WIPI1: variants seen among roughly 807,000 people sequenced by gnomAD.
WIPI1 encodes the protein WD repeat domain phosphoinositide-interacting protein 1.
WIPI1 carries 45 observed loss-of-function variants against 55.3 expected under a neutral mutation model. The ratio of observed to expected loss-of-function variants is 0.81; its 90% confidence interval spans 0.64 to 1.04. The LOEUF (loss-of-function observed/expected upper bound fraction) is 1.04, where lower values mean the gene tolerates loss of function less well. Ranked by LOEUF, WIPI1 falls within the 50% of genes least tolerant of loss-of-function variation. The pLI is 0.00. For missense variants in WIPI1, 445 were observed against 559.0 expected, an observed-to-expected ratio of 0.80 and a Z score of 2.06; for synonymous variants, 195 against 217.6, an observed-to-expected ratio of 0.90 and a Z score of 0.92.
rs1324330522 is a variant in WIPI1 at position 68,426,242 on chromosome 17, T to G, written c.1193-67A>C. 9.2e-4 allele frequency: 626 copies of G among 682,282 alleles called. 9 individuals are homozygous for G. The highest frequency in any genetic ancestry group is 1.4e-3 in the African/African-American group (64 of 44,822). 42.3% of individuals were successfully genotyped at this position (682,282 alleles called of 1,614,324 possible). A position where few individuals can be genotyped will look rare whatever the true frequency, so the allele number is the denominator to read the frequency against. ...TGCTTTTATGCCATGACCTGGCGGG[T>G]GGGGAGCGGGGGCTCAAATAAAGGG... On this transcript the variant is annotated intron_variant, in intron 11 of 12. Transcript: ENST00000262139.
intron 1 of WIPI1, among the ~76,000 whole-genome samples, chr17:68,455,080 G>C (rs768154305): frequency 2.6e-5 from 4 of 152,084 alleles, no homozygotes; most frequent in Non-Finnish European, 4.4e-5. Context: ...ACCCAAAGTA[G>C]GCTGGGCATA....
chr17:68,431,683 A>G lies in WIPI1; in HGVS notation c.801-1523T>C, dbSNP rs913297259. 9.2e-4 allele frequency among the ~76,000 whole-genome samples: 11 copies of G among 11,906 alleles called. No individual in the cohort carries two copies. In the South Asian group the frequency reaches 0.026, roughly 28 times the overall value. The allele number at this position is 11,906 out of a possible 152,430, so 7.8% of individuals were successfully genotyped here. A position where few individuals can be genotyped will look rare whatever the true frequency, so the allele number is the denominator to read the frequency against. On this transcript the variant is annotated intron_variant, in intron 8 of 12. Transcript: ENST00000262139. ...GCTGGACCAGCACGAGGTGCTAAAG[A>G]CACGTTCAAGGGCCCTGGCCAGCGA...
chr17:68,426,252 G>GGGGT (rs1555798489), intron 11 of WIPI1, 77 bp from the exon 12 acceptor site: 2 of 828,180 alleles, frequency 2.4e-6, no homozygotes, highest in Admixed American at 2.3e-5. Flanking sequence ...TGGGGAGCGG[G>GGGGT]GGCTCAAATA....
chr17:68,456,439 G>A (rs1458860701), intron 1 of WIPI1, among the ~76,000 whole-genome samples: 1 of 152,198 alleles, frequency 6.6e-6, no homozygotes, highest in Non-Finnish European at 1.5e-5. Context: ...CTGATGCTCA[G>A]GGTGCACATT....
At position 68,426,014 on chromosome 17, in the gene WIPI1, G is replaced by A. The variant is rs978338244; in HGVS notation, c.1293+61C>T. 3.7e-6 allele frequency: 5 copies of A among 1,364,902 alleles called. No homozygotes were observed. The Admixed American group carries it at 5.1e-5, about 14-fold the overall frequency. The allele number at this position is 1,364,902 out of a possible 1,614,324, so 84.5% of individuals were successfully genotyped here. On this transcript the variant is annotated intron_variant, in intron 12 of 12. Transcript: ENST00000262139. ...AAAGGGACTCTGCCTCTCGTATGAG[G>A]CGAAGGTTTCCTTCTAAGCACACAG...
At chr17:68,446,175 C>T (rs1364770858) in intron 3 of WIPI1, among the ~76,000 whole-genome samples, 2 of 152,044 alleles carry the variant, frequency 1.3e-5, no homozygotes, top group African/African-American at 4.8e-5. Context: ...AAAATTTAAA[C>T]ACATTTCTCA....
Position 68,431,282 on chromosome 17 carries a change from C to A in WIPI1, c.801-1122G>T, listed in dbSNP as rs193233779. On this transcript the variant is annotated intron_variant, in intron 8 of 12. Coordinates refer to ENST00000262139, the MANE Select transcript of WIPI1 (RefSeq NM_017983.7). Reference sequence around the variant, plus strand: ...ATGAGGTTCCTTAACGTTTCCGTGTCCAGATTTCCTCATTTGGGAAACAGG... The same window carrying A: ...ATGAGGTTCCTTAACGTTTCCGTGTACAGATTTCCTCATTTGGGAAACAGG... 1.5e-3 allele frequency among the ~76,000 whole-genome samples: 232 copies of A among 152,292 alleles called. 1 individual carries two copies. The highest frequency in any genetic ancestry group is 2.0e-3 in the Non-Finnish European group (136 of 68,024).
chr17:68,447,849 C>T (rs748578776), intron 3 of WIPI1, among the ~76,000 whole-genome samples: 60 of 151,708 alleles, frequency 4.0e-4, no homozygotes, highest in Non-Finnish European at 7.5e-4. Context: ...AAACATTAGC[C>T]GGGCGTGGTG....
chr17:68,457,218 C>T, intron 1 of WIPI1, 124 bp downstream of exon 1: 1 of 1,176,610 alleles, frequency 8.5e-7, no homozygotes, highest in Non-Finnish European at 1.2e-6. Flanking sequence ...GCGTCCGAAG[C>T]AGACACCGGC....
At chr17:68,427,003 T>A (rs2083238101) in intron 11 of WIPI1, 132 bp downstream of exon 11, 1 of 715,208 alleles carries the variant, frequency 1.4e-6, no homozygotes, top group Non-Finnish European at 2.4e-6. Context: ...CAGGTAACAG[T>A]GAAGGGGGAA....
At chr17:68,434,291 T>G (rs1275205332) in intron 7 of WIPI1, among the ~76,000 whole-genome samples, 5 of 152,172 alleles carry the variant, frequency 3.3e-5, no homozygotes, top group Non-Finnish European at 5.9e-5. Context: ...ACTCCCTGGC[T>G]CTCTCATTTC....
At chr17:68,444,250 G>T (rs183376646) in intron 4 of WIPI1, among the ~76,000 whole-genome samples, 46 of 152,240 alleles carry the variant, frequency 3.0e-4, no homozygotes, top group Admixed American at 2.7e-3. Context: ...TGCTGATATG[G>T]GTCCCAGACA....
intron 4 of WIPI1, among the ~76,000 whole-genome samples, chr17:68,438,162 G>C (rs2083910128): frequency 6.6e-6 from 1 of 152,158 alleles, no homozygotes; most frequent in Non-Finnish European, 1.5e-5. Flanking sequence ...TGAGTCCACA[G>C]CAGGGCTGTC....
At chr17:68,424,558 G>A (rs376493454) in intron 12 of WIPI1, 48 of 525,616 alleles carry the variant, frequency 9.1e-5, no homozygotes, top group Admixed American at 7.4e-4. Context: ...GGCTCTAGGA[G>A]CTGATGCTCC....
chr17:68,437,012 A>ATG lies in WIPI1; in HGVS notation c.431-534_431-533insCA, dbSNP rs1568637117. Among the ~76,000 whole-genome samples the ATG allele has an allele frequency of 4.4e-3, 362 of 82,066 alleles. 1 individual carries two copies. The highest frequency in any genetic ancestry group is 0.017 in the African/African-American group (353 of 20,912). 53.8% of individuals were successfully genotyped at this position (82,066 alleles called of 152,430 possible). ...CCGTCTCAAAAAAAAAAAAATATAT[A>ATG]TATATGTGTGTGTGTGTGTGTGTGT... On this transcript the variant is annotated intron_variant, in intron 4 of 12. Transcript: ENST00000262139.
chr17:68,438,336 C>A (rs968588341), intron 4 of WIPI1, among the ~76,000 whole-genome samples: 1 of 152,188 alleles, frequency 6.6e-6, no homozygotes, highest in African/African-American at 2.4e-5. Context: ...CTCTGGAAAC[C>A]CCAATTCCTC....
At chr17:68,433,711 G>A in intron 7 of WIPI1, 136 bp from the exon 8 acceptor site, 1 of 424,694 alleles carries the variant, frequency 2.4e-6, no homozygotes, top group Non-Finnish European at 4.1e-6. Flanking sequence ...TAAACACTGT[G>A]GTGCTCATAT....
intron 10 of WIPI1, 154 bp from the exon 11 acceptor site, chr17:68,427,407 A>G: frequency 1.8e-6 from 1 of 553,878 alleles, no homozygotes; most frequent in Non-Finnish European, 3.1e-6. Context: ...CCCAGGCTGG[A>G]GTGCAGTGGC....
intron 1 of WIPI1, among the ~76,000 whole-genome samples, chr17:68,453,322 A>G (rs2084561055): frequency 6.6e-6 from 1 of 152,242 alleles, no homozygotes. Flanking sequence ...TTGAATGTTT[A>G]AGAATATTCA....
Sources: allele counts gnomAD v4.1 joint callset (sites outside exome capture counted in the v4.1 genomes callset), GRCh38; gene constraint gnomAD v4.1.1; transcripts MANE v1.5; gene names NCBI Gene and HGNC (gene_info 2026-07-23, HGNC 2026-07-21).